Variants in VPS4A observed in about 807,000 individuals in gnomAD.
VPS4A encodes vacuolar protein sorting-associated protein 4A.
A neutral mutation model predicts 52.3 loss-of-function variants in VPS4A; 20 were observed. That is an observed-to-expected ratio of 0.38 (90% confidence interval 0.27 to 0.56). The LOEUF (loss-of-function observed/expected upper bound fraction) is 0.56, where lower values mean the gene tolerates loss of function less well. Among genes scored for constraint, VPS4A ranks in the 20% least tolerant of loss-of-function variants. The pLI is 0.72. For missense variants in VPS4A, 419 were observed against 575.9 expected, an observed-to-expected ratio of 0.73 and a Z score of 2.79; for synonymous variants, 293 against 227.7, an observed-to-expected ratio of 1.29 and a Z score of -2.58.
At chr16:69,323,616 A>C (rs1965541788) in intron 10 of VPS4A, 1 of 456,048 alleles carries the variant, frequency 2.2e-6, no homozygotes, top group African/African-American at 2.0e-5. Flanking sequence ...CCATCCTGGC[A>C]AGGGTCTGCC....
intron 3 of VPS4A, among the ~76,000 whole-genome samples, chr16:69,317,913 A>G (rs1275039421): frequency 7.1e-6 from 1 of 141,724 alleles, no homozygotes; most frequent in African/African-American, 2.6e-5. Flanking sequence ...GTGAGCTGAG[A>G]TGGAGATTGT....
rs1198030050 is a variant in VPS4A, at chr16:69,326,499, T to TA, written c.*2191dup. 2 of 152,242 alleles carry TA rather than the reference T, an allele frequency of 1.3e-5. No individual in the cohort carries two copies. The highest frequency in any genetic ancestry group is 3.8e-4 in the East Asian group (2 of 5,204). The allele number at this position is 152,242 out of a possible 1,614,324, so 9.4% of individuals were successfully genotyped here. On this transcript the variant is annotated 3_prime_UTR_variant, in exon 11 of 11. Transcript: ENST00000254950. ...AATCAGAACGTTGTTTCCTCATTCC[T>TA]ACTGCTTAAACACCTTGACAAGTCC...
At chr16:69,318,597 C>T in intron 3 of VPS4A, 53 bp from the exon 4 acceptor site, 1 of 1,561,218 alleles carries the variant, frequency 6.4e-7, no homozygotes, top group Non-Finnish European at 8.7e-7. Context: ...CTGGGAGCAC[C>T]TCTGTGCTCC....
In VPS4A at chr16:69,322,703, A is replaced by G. The variant is rs1965529159; in HGVS notation, c.1212+3A>G. Reference sequence around the variant, plus strand: ...TCTTAGAGCCTGTGGTTTGCATGGTAAGTGACTTGACAGGGGAGGGAAGAG... The same window carrying G: ...TCTTAGAGCCTGTGGTTTGCATGGTGAGTGACTTGACAGGGGAGGGAAGAG... On this transcript the variant is annotated splice_donor_region_variant and intron_variant, in intron 10 of 10. Transcript: ENST00000254950. The G allele has an allele frequency of 8.7e-6, 14 of 1,612,048 alleles. No homozygotes were observed. The highest frequency in any genetic ancestry group is 1.2e-5 in the Non-Finnish European group (14 of 1,178,736).
At position 69,316,476 on chromosome 16, in the gene VPS4A, A is replaced by G. The variant is rs1965438425; in HGVS notation, c.281+104A>G. 12 of 1,479,850 alleles carry G rather than the reference A, an allele frequency of 8.1e-6. No homozygotes were observed. The South Asian group carries it at 1.2e-4, about 14-fold the overall frequency. The allele number at this position is 1,479,850 out of a possible 1,614,324, so 91.7% of individuals were successfully genotyped here. A position where few individuals can be genotyped will look rare whatever the true frequency, so the allele number is the denominator to read the frequency against. ...GGACTTCCCTGTGGGAATGGTCCTC[A>G]TAGTGCAGGGATGACAGTGCCAGCA... On this transcript the variant is annotated intron_variant, in intron 3 of 10. Coordinates refer to ENST00000254950, the MANE Select transcript of VPS4A (RefSeq NM_013245.3).
At chr16:69,311,695 C>T (rs1965379942) in intron 1 of VPS4A, among the ~76,000 whole-genome samples, 163 bp downstream of exon 1, 1 of 152,134 alleles carries the variant, frequency 6.6e-6, no homozygotes, top group Admixed American at 6.5e-5. Flanking sequence ...TCTGTTTCCA[C>T]GCGCTCGGAG....
At position 69,320,861 on chromosome 16, in the gene VPS4A, C is replaced by G; in HGVS notation, c.851+92C>G. ...GCTGGCAGCCCGGGTGCAGCCTGGC[C>G]CCTTTTCCCTGGAGTCTTCCCGTCT... On this transcript the variant is annotated intron_variant, in intron 8 of 10. Coordinates refer to ENST00000254950, the MANE Select transcript of VPS4A (RefSeq NM_013245.3). This position sits in a 1 kb window ranked among gnomAD's most constrained non-coding sequence, Gnocchi z 4.2. The G allele has an allele frequency of 7.3e-7, 1 of 1,364,300 alleles. No homozygotes were observed. Among genetic ancestry groups the G allele is most frequent in the Non-Finnish European group, 1.0e-6 (1 of 985,758 alleles). 84.5% of individuals were successfully genotyped at this position (1,364,300 alleles called of 1,614,324 possible). A position where few individuals can be genotyped will look rare whatever the true frequency, so the allele number is the denominator to read the frequency against.
chr16:69,319,691 G>A (rs1965486215), intron 6 of VPS4A, 148 bp downstream of exon 6: 1 of 1,115,704 alleles, frequency 9.0e-7, no homozygotes, highest in Non-Finnish European at 1.2e-6. Flanking sequence ...TATCGGCTGG[G>A]ACACAGTCCC....
At chr16:69,316,726 A>G (rs1433260537) in intron 3 of VPS4A, among the ~76,000 whole-genome samples, 1 of 152,186 alleles carries the variant, frequency 6.6e-6, no homozygotes, top group East Asian at 1.9e-4. Context: ...GCGTTGCCAC[A>G]GGGAGCAGTG....
In VPS4A at chr16:69,321,269, A is replaced by C. The variant is rs896152486; in HGVS notation, c.1070A>C (p.Lys357Thr). ...GTGCAGTCGGCCACACACTTCAAAA[A>C]GGTGAGTGCCCGCGGCCACTGCTGA... ...RKVQSATHFK[K>T]VCGPSRTNPS... Residue 357 changes from lysine to threonine, a missense_variant and splice_region_variant, in exon 9 of 11, where the codon AAG becomes ACG. Around this residue, in one of 3 missense-constraint regions of VPS4A, gnomAD observed 185 missense variants for 200.2 expected, o/e 0.92. Coordinates refer to ENST00000254950, the MANE Select transcript of VPS4A (RefSeq NM_013245.3). The surrounding 1 kb of genome is among the most constrained non-coding windows in gnomAD (Gnocchi z 4.5). The C allele has an allele frequency of 6.4e-7, 1 of 1,551,884 alleles. No homozygotes were observed. Among genetic ancestry groups the C allele is most frequent in the South Asian group, 1.2e-5 (1 of 84,160 alleles).
At chr16:69,312,964 G>A (rs1038524651) in intron 1 of VPS4A, among the ~76,000 whole-genome samples, 1 of 150,350 alleles carries the variant, frequency 6.7e-6, no homozygotes, top group South Asian at 2.1e-4. Flanking sequence ...TAACTCACCC[G>A]TTATATATTT....
At chr16:69,314,011 G>A (rs1042029981) in intron 1 of VPS4A, among the ~76,000 whole-genome samples, 1 of 130,334 alleles carries the variant, frequency 7.7e-6, no homozygotes, top group Non-Finnish European at 1.6e-5. Flanking sequence ...TTTTTGAGAT[G>A]GACTCTTGCT....
chr16:69,320,830 C>T lies in VPS4A; in HGVS notation c.851+61C>T. The T allele has an allele frequency of 6.6e-7, 1 of 1,518,196 alleles. No individual in the cohort carries two copies. Among genetic ancestry groups the T allele is most frequent in the African/African-American group, 1.4e-5 (1 of 72,748 alleles). The allele number at this position is 1,518,196 out of a possible 1,614,324, so 94.0% of individuals were successfully genotyped here. On this transcript the variant is annotated intron_variant, in intron 8 of 10. Coordinates refer to ENST00000254950, the MANE Select transcript of VPS4A (RefSeq NM_013245.3). The surrounding 1 kb of genome is among the most constrained non-coding windows in gnomAD (Gnocchi z 4.2). ...TTCCTCCCACCATGGTCACGGTCCG[C>T]CTGCTGCTGGCAGCCCGGGTGCAGC...
chr16:69,319,056 C>G, intron 5 of VPS4A, 114 bp downstream of exon 5: 19 of 1,447,002 alleles, frequency 1.3e-5, no homozygotes, highest in Non-Finnish European at 1.8e-5. Flanking sequence ...CTGCAGAGGG[C>G]CAGGCCTGGC....
In VPS4A at chr16:69,318,749, G is replaced by C. The variant is rs767108911; in HGVS notation, c.343+38G>C. The C allele has an allele frequency of 4.3e-6, 7 of 1,613,212 alleles. No homozygotes were observed. The Admixed American group carries it at 1.2e-4, about 27-fold the overall frequency. On this transcript the variant is annotated intron_variant, in intron 4 of 10. Coordinates refer to ENST00000254950, the MANE Select transcript of VPS4A (RefSeq NM_013245.3). ...CGGCCCTGTGGCAGCGGCAGGGGAT[G>C]AGAGTGGGTCCGCTGCTGGGTTGGC...
chr16:69,313,411 C>G (rs762473998), intron 1 of VPS4A, among the ~76,000 whole-genome samples: 1 of 152,098 alleles, frequency 6.6e-6, no homozygotes, highest in African/African-American at 2.4e-5. Context: ...CACAACCCCT[C>G]TCTCTCCCAG....
chr16:69,316,964 T>C (rs1965444678), intron 3 of VPS4A, among the ~76,000 whole-genome samples: 1 of 151,658 alleles, frequency 6.6e-6, no homozygotes, highest in Admixed American at 6.6e-5. Flanking sequence ...AGGTACTGGG[T>C]TCGCCCACCA....
Position 69,323,446 on chromosome 16 carries a change from C to T in VPS4A, c.1212+746C>T, listed in dbSNP as rs113654344. On this transcript the variant is annotated intron_variant, in intron 10 of 10. Coordinates refer to ENST00000254950, the MANE Select transcript of VPS4A (RefSeq NM_013245.3). Reference sequence around the variant, plus strand: ...ATTACAAGCATGAGCTGAGCCACCACACCTAGCCTGCATTTTATATTCTTT... The same window carrying T: ...ATTACAAGCATGAGCTGAGCCACCATACCTAGCCTGCATTTTATATTCTTT... 663 of 335,116 alleles carry T rather than the reference C, an allele frequency of 2.0e-3. 7 individuals are homozygous for T. The highest frequency in any genetic ancestry group is 0.011 in the African/African-American group (498 of 45,712). The allele number at this position is 335,116 out of a possible 1,614,324, so 20.8% of individuals were successfully genotyped here. A position where few individuals can be genotyped will look rare whatever the true frequency, so the allele number is the denominator to read the frequency against.
chr16:69,311,681 C>G (rs558130574), intron 1 of VPS4A, 149 bp downstream of exon 1: 21 of 863,072 alleles, frequency 2.4e-5, no homozygotes, highest in Non-Finnish European at 3.2e-5. Flanking sequence ...CGCTTCCGCC[C>G]GTGTCTGTTT....
Sources: allele counts gnomAD v4.1 joint callset (sites outside exome capture counted in the v4.1 genomes callset), GRCh38; gene constraint gnomAD v4.1.1; regional missense constraint gnomAD v4.1.1; non-coding constraint Gnocchi (gnomAD v3.1); transcripts MANE v1.5; gene names NCBI Gene and HGNC (gene_info 2026-07-23, HGNC 2026-07-21).